The following IFT88 variants were observed in gnomAD, a reference collection of about 807,000 sequenced individuals.
IFT88 encodes the protein intraflagellar transport protein 88 homolog.
A neutral mutation model predicts 119.5 loss-of-function variants in IFT88; 74 were observed. That is an observed-to-expected ratio of 0.62 (90% confidence interval 0.51 to 0.75). The LOEUF (loss-of-function observed/expected upper bound fraction) is 0.75, where lower values mean the gene tolerates loss of function less well. IFT88 is among the 30% of genes least tolerant of loss of function. The probability of loss-of-function intolerance (pLI) is 0.00; values close to 1 mark genes in which losing one functional copy is unlikely to be tolerated. For missense variants in IFT88, 961 were observed against 977.7 expected (o/e 0.98, Z 0.23); for synonymous variants, 279 against 316.7 (o/e 0.88, Z 1.26).
At chr13:20,685,194 T>C (rs1422504086) in intron 24 of IFT88, among the ~76,000 whole-genome samples, 2 of 152,210 alleles carry the variant, frequency 1.3e-5, no homozygotes, top group Non-Finnish European at 2.9e-5. Flanking sequence ...AACACGTTGT[T>C]AAGACACAGG....
intron 3 of IFT88, among the ~76,000 whole-genome samples, chr13:20,585,460 A>G (rs540278419): frequency 9.2e-5 from 14 of 152,314 alleles, no homozygotes; most frequent in African/African-American, 3.4e-4. Flanking sequence ...ACCTTTTCCT[A>G]ACCACAGTGT....
intron 11 of IFT88, 89 bp downstream of exon 11, chr13:20,599,654 A>G (rs780349191): frequency 1.1e-4 from 72 of 643,066 alleles, no homozygotes; most frequent in Non-Finnish European, 1.9e-4. Flanking sequence ...AGTGGGTTGA[A>G]CATTTCAAAG....
intron 24 of IFT88, among the ~76,000 whole-genome samples, chr13:20,690,318 T>TA (rs940095918): frequency 1.3e-4 from 20 of 152,326 alleles, no homozygotes; most frequent in African/African-American, 4.6e-4. Context: ...CTACTAATGT[T>TA]AGTGTTCAGT....
chr13:20,675,366 GA>G (rs2056530515), intron 24 of IFT88, among the ~76,000 whole-genome samples: 1 of 152,118 alleles, frequency 6.6e-6, no homozygotes, highest in African/African-American at 2.4e-5. Context: ...AGTTTTGCAG[GA>G]TACCCGAGTA....
chr13:20,602,366 G>A (rs1002226149), intron 12 of IFT88, among the ~76,000 whole-genome samples: 5 of 151,862 alleles, frequency 3.3e-5, no homozygotes, highest in South Asian at 2.1e-4. Context: ...CACCATGCCC[G>A]GCTAAGTTTT....
At chr13:20,644,374 G>T (rs2050420751) in intron 19 of IFT88, among the ~76,000 whole-genome samples, 1 of 152,084 alleles carries the variant, frequency 6.6e-6, no homozygotes, top group Non-Finnish European at 1.5e-5. Flanking sequence ...GTTGTGGCAT[G>T]CCTGTAATCC....
intron 11 of IFT88, among the ~76,000 whole-genome samples, chr13:20,600,675 A>G (rs535390334): frequency 1.3e-5 from 2 of 151,484 alleles, no homozygotes; most frequent in South Asian, 2.1e-4. Flanking sequence ...TGAGATGTCA[A>G]ATGGTGCAGC....
chr13:20,668,035 C>T (rs2055044149), intron 23 of IFT88, among the ~76,000 whole-genome samples: 1 of 152,226 alleles, frequency 6.6e-6, no homozygotes, highest in African/African-American at 2.4e-5. Flanking sequence ...CCTGACTTAG[C>T]AGCAGCTCTG....
At chr13:20,567,868 G>GT (rs559121832) in intron 1 of IFT88, 91,362 of 612,562 alleles carry the variant, frequency 0.15, 359 homozygotes, top group Non-Finnish European at 0.16. Context: ...TTTTTTGTTT[G>GT]TTTTTTTTTT....
chr13:20,596,937 C>A, intron 8 of IFT88, 78 bp from the exon 9 acceptor site: 2 of 740,320 alleles, frequency 2.7e-6, no homozygotes, highest in Non-Finnish European at 4.4e-6. Flanking sequence ...TTCATCCAAC[C>A]TTCATGTAGA....
At chr13:20,615,414 T>A (rs1027851715) in intron 13 of IFT88, among the ~76,000 whole-genome samples, 1 of 152,200 alleles carries the variant, frequency 6.6e-6, no homozygotes, top group African/African-American at 2.4e-5. Context: ...TAATTCAGTT[T>A]TACTCTTTAC....
chr13:20,582,443 T>TCAGGTTTCATC, intron 2 of IFT88, among the ~76,000 whole-genome samples: 1 of 152,294 alleles, frequency 6.6e-6, no homozygotes. Context: ...CGTCTCAGAC[T>TCAGGTTTCATC]TGACCTCTCC....
chr13:20,607,190 C>T (rs753370268), intron 13 of IFT88: 37 of 395,438 alleles, frequency 9.4e-5, no homozygotes, highest in Non-Finnish European at 1.3e-4. Flanking sequence ...GCACGCCTGG[C>T]GCTTGCCCCC....
Position 20,672,102 on chromosome 13 carries a change from T to G in IFT88, c.2242+1063T>G, listed in dbSNP as rs569442340. On this transcript the variant is annotated intron_variant, in intron 24 of 25. Coordinates refer to ENST00000351808, the MANE Select transcript of IFT88 (RefSeq NM_006531.5). ...GCCATGGTAGAGAAATGTACATGAG[T>G]TTTCAAACTTTCCTAGGGATAGAAA... is the stretch of plus-strand genomic sequence containing the variant. Among the ~76,000 whole-genome samples the G allele has an allele frequency of 6.1e-4, 93 of 151,914 alleles. 2 individuals are homozygous for G. In the South Asian group the frequency reaches 0.016, roughly 26 times the overall value.
chr13:20,608,117 G>T (rs1350742959), intron 13 of IFT88: 1 of 462,160 alleles, frequency 2.2e-6, no homozygotes, highest in Non-Finnish European at 4.3e-6. Flanking sequence ...AGCTGGCAGA[G>T]CTACCCAAAC....
At chr13:20,661,622 C>G (rs1433298454) in intron 22 of IFT88, among the ~76,000 whole-genome samples, 1 of 151,920 alleles carries the variant, frequency 6.6e-6, no homozygotes, top group Non-Finnish European at 1.5e-5. Context: ...GTGATCCCAG[C>G]TACTCAGGAG....
Position 20,601,892 on chromosome 13 carries a change from G to A in IFT88, c.1000G>A (p.Val334Ile). The change falls in exon 12 of 26, where the codon GTT (valine) becomes ATT (isoleucine). Residue 334 changes from valine to isoleucine, a missense_variant. Physicochemically the swap from Val to Ile is conservative, Grantham distance 29. Coordinates refer to ENST00000351808, the MANE Select transcript of IFT88 (RefSeq NM_006531.5). ...GAAGGCATTCCAAAAATTGATTACT[G>A]TTCCATTAGAAATTGATGAAGATAA... is the stretch of plus-strand genomic sequence containing the variant. Reference protein sequence around the residue: ...MKKAFQKLITVPLEIDEDKYI... With the variant: ...MKKAFQKLITIPLEIDEDKYI... The A allele has an allele frequency of 6.2e-7, 1 of 1,606,734 alleles. No individual in the cohort carries two copies. Among genetic ancestry groups the A allele is most frequent in the Non-Finnish European group, 8.5e-7 (1 of 1,173,412 alleles).
At chr13:20,652,257 A>G (rs913475608) in intron 20 of IFT88, among the ~76,000 whole-genome samples, 1 of 152,230 alleles carries the variant, frequency 6.6e-6, no homozygotes, top group African/African-American at 2.4e-5. Context: ...TAAAGAATTA[A>G]TACACTAAAA....
chr13:20,644,821 A>T, intron 19 of IFT88, 22 bp from the exon 20 acceptor site: 1 of 1,017,738 alleles, frequency 9.8e-7, no homozygotes, highest in Non-Finnish European at 1.5e-6. Flanking sequence ...TTGTATTGTT[A>T]CATTCCATAT....
Sources: allele counts gnomAD v4.1 joint callset (sites outside exome capture counted in the v4.1 genomes callset), GRCh38; gene constraint gnomAD v4.1.1; transcripts MANE v1.5; gene names NCBI Gene and HGNC (gene_info 2026-07-23, HGNC 2026-07-21).